Variants in PHLDB3 observed in about 807,000 individuals in gnomAD.
The protein encoded by PHLDB3 is pleckstrin homology-like domain family B member 3.
A neutral mutation model predicts 85.7 loss-of-function variants in PHLDB3; 86 were observed. The ratio of observed to expected loss-of-function variants is 1.00; its 90% CI spans 0.84 to 1.20. The LOEUF (loss-of-function observed/expected upper bound fraction) is 1.20. Among genes scored for constraint, PHLDB3 ranks in the 50% most tolerant of loss-of-function variants. PHLDB3 has a pLI of 0.00. For missense variants in PHLDB3, 995 were observed against 873.0 expected, an observed-to-expected ratio of 1.14 and a Z score of -1.76; for synonymous variants, 376 against 349.8, an observed-to-expected ratio of 1.07 and a Z score of -0.83.
intron 13 of PHLDB3, among the ~76,000 whole-genome samples, chr19:43,481,155 C>G (rs1365780292): frequency 6.9e-6 from 1 of 144,750 alleles, no homozygotes; most frequent in African/African-American, 2.5e-5. Flanking sequence ...TGCTGCTGTT[C>G]CACCAGCCAC....
chr19:43,475,717 G>A (rs908024383), intron 15 of PHLDB3, among the ~76,000 whole-genome samples, 173 bp from the exon 16 acceptor site: 1 of 152,112 alleles, frequency 6.6e-6, no homozygotes, highest in Non-Finnish European at 1.5e-5. Context: ...TGGGTTATAA[G>A]GATTAAATGA....
chr19:43,488,534 G>A (rs1971238019), intron 9 of PHLDB3, among the ~76,000 whole-genome samples: 2 of 152,112 alleles, frequency 1.3e-5, no homozygotes, highest in African/African-American at 4.8e-5. Context: ...GCCCTCACAT[G>A]ATACTGGGGG....
intron 9 of PHLDB3, among the ~76,000 whole-genome samples, chr19:43,487,574 C>CAAAAAAAAAAAAA (rs760708749): frequency 0.016 from 600 of 38,382 alleles, 60 homozygotes; most frequent in Non-Finnish European, 0.022. Context: ...GACTCTGTCT[C>CAAAAAAAAAAAAA]AAAAAAAAAA....
intron 4 of PHLDB3, among the ~76,000 whole-genome samples, chr19:43,500,078 G>A (rs1971552042): frequency 6.6e-6 from 1 of 152,014 alleles, no homozygotes; most frequent in Non-Finnish European, 1.5e-5. Context: ...CATCTCTACT[G>A]AAAATACAAA....
chr19:43,500,750 C>T (rs558651222), intron 4 of PHLDB3, among the ~76,000 whole-genome samples: 1 of 152,296 alleles, frequency 6.6e-6, no homozygotes, highest in East Asian at 1.9e-4. Flanking sequence ...GATCCTCCCA[C>T]CTCACTCTTC....
At chr19:43,495,646 G>A in intron 6 of PHLDB3, 26 bp from the exon 7 acceptor site, 1 of 1,592,592 alleles carries the variant, frequency 6.3e-7, no homozygotes, top group Non-Finnish European at 8.5e-7. Flanking sequence ...ATCTGTCACG[G>A]CCCCAGCCAG....
At chr19:43,495,706 T>G (rs1468052680) in intron 6 of PHLDB3, 86 bp from the exon 7 acceptor site, 2 of 1,498,132 alleles carry the variant, frequency 1.3e-6, no homozygotes, top group East Asian at 4.9e-5. Context: ...AGGGCTGGGG[T>G]TTACTCCAGC....
Position 43,475,336 on chromosome 19 carries a change from G to T in PHLDB3, c.*74C>A, listed in dbSNP as rs1344069465. 5.8e-6 allele frequency: 9 copies of T among 1,559,826 alleles called. No individual in the cohort carries two copies. The highest frequency in any genetic ancestry group is 7.8e-6 in the Non-Finnish European group (9 of 1,150,286). On this transcript the variant is annotated 3_prime_UTR_variant, in exon 16 of 16. Transcript: ENST00000292140. ...GCGTCCAAGTTTTCCGGCAGTGGGC[G>T]GGGCCTAGGAACGCCCCCGCGCCCC...
At chr19:43,479,886 A>T (rs1971008014) in intron 13 of PHLDB3, among the ~76,000 whole-genome samples, 1 of 152,096 alleles carries the variant, frequency 6.6e-6, no homozygotes, top group South Asian at 2.1e-4. Flanking sequence ...CCGAGGTCAC[A>T]CAGAGCTTCT....
At chr19:43,497,344 G>A in intron 5 of PHLDB3, 65 bp from the exon 6 acceptor site, 1 of 1,271,284 alleles carries the variant, frequency 7.9e-7, no homozygotes, top group Non-Finnish European at 1.0e-6. Flanking sequence ...GTAGTGGGCT[G>A]GGGCTGGGAC....
intron 13 of PHLDB3, among the ~76,000 whole-genome samples, chr19:43,485,325 C>T (rs1044870966): frequency 1.3e-5 from 2 of 151,682 alleles, no homozygotes; most frequent in Non-Finnish European, 2.9e-5. Context: ...CAATTCTCTG[C>T]CTCAGCCTCC....
In PHLDB3 at chr19:43,494,727, A is replaced by G; in HGVS notation, c.1124T>C (p.Leu375Pro). 40 of 1,613,082 alleles carry G rather than the reference A, an allele frequency of 2.5e-5. No homozygotes were observed. The highest frequency in any genetic ancestry group is 3.4e-5 in the Non-Finnish European group (40 of 1,179,644). ...CTGCAGGGAGCTGTGGACAGAAAAG[A>G]GGCAGGAAGAAGTAGGGGTGGCAGC... Reference protein sequence around the residue: ...HSAATPTSSCLFSVHSSLQGS... With the variant: ...HSAATPTSSCPFSVHSSLQGS... The change falls in exon 9 of 16, where the codon CTC (leucine) becomes CCC (proline). Residue 375 changes from leucine (L) to proline (P), a missense_variant. Coordinates refer to ENST00000292140, the MANE Select transcript of PHLDB3 (RefSeq NM_198850.4).
intron 4 of PHLDB3, among the ~76,000 whole-genome samples, chr19:43,500,345 C>T (rs1971557855): frequency 6.6e-6 from 1 of 152,114 alleles, no homozygotes; most frequent in African/African-American, 2.4e-5. Context: ...TACGATCAAA[C>T]CTCTCCCTCT....
chr19:43,479,883 C>T (rs1971007896), intron 13 of PHLDB3, among the ~76,000 whole-genome samples: 1 of 151,990 alleles, frequency 6.6e-6, no homozygotes, highest in South Asian at 2.1e-4. Flanking sequence ...CACCCGAGGT[C>T]ACACAGAGCT....
intron 9 of PHLDB3, among the ~76,000 whole-genome samples, chr19:43,488,206 C>A (rs1257454010): frequency 6.6e-6 from 1 of 151,490 alleles, no homozygotes; most frequent in Non-Finnish European, 1.5e-5. Flanking sequence ...ACCTATAATG[C>A]CAGCACTTTG....
At chr19:43,502,409 C>A in intron 2 of PHLDB3, 126 bp from the exon 3 acceptor site, 1 of 806,198 alleles carries the variant, frequency 1.2e-6, no homozygotes, top group East Asian at 2.8e-5. Flanking sequence ...CCTAACACAA[C>A]CACCACTCCC....
Position 43,497,026 on chromosome 19 carries a change from G to T in PHLDB3, c.825+92C>A, listed in dbSNP as rs2145939512. The T allele has an allele frequency of 3.8e-6, 5 of 1,314,732 alleles. No homozygotes were observed. The South Asian group carries it at 1.1e-4, about 28-fold the overall frequency. The allele number at this position is 1,314,732 out of a possible 1,614,324, so 81.4% of individuals were successfully genotyped here. A position where few individuals can be genotyped will look rare whatever the true frequency, so the allele number is the denominator to read the frequency against. On this transcript the variant is annotated intron_variant, in intron 6 of 15. Transcript: ENST00000292140. ...GTTACTATTCAGAAGAACATGACAG[G>T]CAGGAAACAAGGACAGAGAAAAAGG...
At chr19:43,499,762 C>A (rs1021201581) in intron 4 of PHLDB3, among the ~76,000 whole-genome samples, 9 of 152,000 alleles carry the variant, frequency 5.9e-5, no homozygotes, top group Non-Finnish European at 8.8e-5. Context: ...AGATGGAGTT[C>A]TGCTCCCGTT....
intron 15 of PHLDB3, 88 bp from the exon 16 acceptor site, chr19:43,475,632 T>C: frequency 1.3e-6 from 2 of 1,533,108 alleles, no homozygotes; most frequent in East Asian, 2.3e-5. Flanking sequence ...TTATAGTCTG[T>C]GTGGCACTGG....
Sources: allele counts gnomAD v4.1 joint callset (sites outside exome capture counted in the v4.1 genomes callset), GRCh38; gene constraint gnomAD v4.1.1; transcripts MANE v1.5; gene names NCBI Gene and HGNC (gene_info 2026-07-23, HGNC 2026-07-21).